The following FBXL17 variants were observed in gnomAD, a reference collection of about 807,000 sequenced individuals.
The protein encoded by FBXL17 is F-box and leucine rich repeat protein 17.
FBXL17 carries 22 observed loss-of-function variants against 66.2 expected under a neutral mutation model. The observed-to-expected ratio is 0.33, with a 90% CI of 0.24 to 0.47. The LOEUF is 0.47. FBXL17 is among the 20% of genes least tolerant of loss of function. The pLI, the probability that FBXL17 is intolerant of heterozygous loss-of-function variation, is 1.00. For missense variants in FBXL17, 878 were observed against 948.2 expected, an observed-to-expected ratio of 0.93 and a Z score of 0.97; for synonymous variants, 474 against 400.5, an observed-to-expected ratio of 1.18 and a Z score of -2.19.
chr5:108,337,352 C>G (rs1760435856), intron 4 of FBXL17, among the ~76,000 whole-genome samples: 1 of 151,478 alleles, frequency 6.6e-6, no homozygotes, highest in Admixed American at 6.6e-5. Context: ...AGAAAATTTA[C>G]AATTCATACA....
At chr5:108,319,639 A>T (rs1759527039) in intron 4 of FBXL17, among the ~76,000 whole-genome samples, 1 of 151,772 alleles carries the variant, frequency 6.6e-6, no homozygotes, top group Non-Finnish European at 1.5e-5. Context: ...GGAATCGTTT[A>T]TTTTAAATGA....
intron 7 of FBXL17, among the ~76,000 whole-genome samples, chr5:107,973,116 A>G (rs1328755724): frequency 6.6e-6 from 1 of 152,106 alleles, no homozygotes; most frequent in Non-Finnish European, 1.5e-5. Context: ...AGCTCACTGA[A>G]CTGGGGCTTC....
intron 5 of FBXL17, among the ~76,000 whole-genome samples, chr5:108,188,698 C>T (rs1753338642): frequency 6.6e-6 from 1 of 152,186 alleles, no homozygotes; most frequent in African/African-American, 2.4e-5. Flanking sequence ...TCAACTCCCT[C>T]AGTTTCCCCT....
intron 6 of FBXL17, among the ~76,000 whole-genome samples, chr5:108,130,925 G>A (rs2149976197): frequency 6.6e-6 from 1 of 152,156 alleles, no homozygotes; most frequent in East Asian, 1.9e-4. Flanking sequence ...GAAAAAGGAA[G>A]ATAGAATAAG....
intron 1 of FBXL17, among the ~76,000 whole-genome samples, chr5:108,376,060 C>G (rs1470250309): frequency 6.6e-6 from 1 of 152,144 alleles, no homozygotes; most frequent in Middle Eastern, 3.2e-3. Flanking sequence ...GGAAAAAGCA[C>G]TGGACAAAAT....
chr5:108,014,263 G>C (rs2112747345), intron 7 of FBXL17, among the ~76,000 whole-genome samples: 1 of 152,164 alleles, frequency 6.6e-6, no homozygotes, highest in East Asian at 1.9e-4. Flanking sequence ...AAGATAAAAA[G>C]TTAATATTTC....
Position 108,367,833 on chromosome 5 carries a change from G to C in FBXL17, c.1114C>G (p.Gln372Glu). Residue 372 changes from glutamine to glutamate, a missense_variant and splice_region_variant, in exon 2 of 9, where the codon CAG becomes GAG. By Grantham distance (29) the Gln-to-Glu change is conservative. Around this residue, in one of 4 missense-constraint regions of FBXL17, gnomAD observed 236 missense variants for 389.1 expected, o/e 0.61. Transcript: ENST00000542267. ...TTACTTAGAATTGGATTCCATACCT[G>C]CTGACGACTACTAAGATCCAGCTGC... ...WKQLDLSSRQ[Q>E]VTDELLEKIA... is the part of the protein sequence containing the mutation. 1.3e-6 allele frequency: 2 copies of C among 1,550,012 alleles called. No homozygotes were observed. Among genetic ancestry groups the C allele is most frequent in the Non-Finnish European group, 1.7e-6 (2 of 1,146,150 alleles).
intron 7 of FBXL17, among the ~76,000 whole-genome samples, chr5:107,934,513 T>C (rs1415208896): frequency 1.3e-5 from 2 of 152,214 alleles, no homozygotes; most frequent in Non-Finnish European, 2.9e-5. Context: ...AAAGGTGTTT[T>C]TTCTTTTTAA....
rs564395293 is a variant in FBXL17 at position 108,269,756 on chromosome 5, T to C, written c.1507-45528A>G. Among the ~76,000 whole-genome samples, 18 of 152,182 alleles carry C rather than the reference T, an allele frequency of 1.2e-4. No individual in the cohort carries two copies. In the South Asian group the frequency reaches 1.9e-3, roughly 16 times the overall value. On this transcript the variant is annotated intron_variant, in intron 4 of 8. Transcript: ENST00000542267. ...CATGTATTATTTGTCTTGGAATCCA[T>C]AGTACCTAAGACAGTGCCACCACAA...
chr5:108,260,907 T>C (rs1276693011), intron 4 of FBXL17, among the ~76,000 whole-genome samples: 1 of 152,164 alleles, frequency 6.6e-6, no homozygotes, highest in Non-Finnish European at 1.5e-5. Context: ...GATCCCCTGA[T>C]TGTCTTGTGT....
At chr5:108,377,017 T>G (rs1246363355) in intron 1 of FBXL17, among the ~76,000 whole-genome samples, 1 of 152,192 alleles carries the variant, frequency 6.6e-6, no homozygotes, top group Non-Finnish European at 1.5e-5. Context: ...TCTGTTCAGA[T>G]TTTAATTCAC....
chr5:108,370,980 T>C (rs1398661242), intron 1 of FBXL17, among the ~76,000 whole-genome samples: 1 of 152,106 alleles, frequency 6.6e-6, no homozygotes, highest in Non-Finnish European at 1.5e-5. Context: ...TTTTTTTTTC[T>C]TTAATCCCCT....
In FBXL17 at chr5:107,996,786, GAC is replaced by G. The variant is rs564949044; in HGVS notation, c.1822+24137_1822+24138del. ...GTGCCTGTCTTCACACAGATATTAAGACACAAGGTTGGGTTTTGAACTTAGGC... is the reference window on the plus strand; with the variant it reads ...GTGCCTGTCTTCACACAGATATTAAGACAAGGTTGGGTTTTGAACTTAGGC... On this transcript the variant is annotated intron_variant, in intron 7 of 8. Transcript: ENST00000542267. Among the ~76,000 whole-genome samples the G allele has an allele frequency of 9.2e-5, 14 of 152,314 alleles. No homozygotes were observed. The East Asian group carries it at 2.7e-3, about 29-fold the overall frequency.
At chr5:108,002,563 G>A (rs771204103) in intron 7 of FBXL17, among the ~76,000 whole-genome samples, 7 of 152,064 alleles carry the variant, frequency 4.6e-5, no homozygotes, top group Non-Finnish European at 1.0e-4. Context: ...GTGTTCAAAT[G>A]AAAGACCTGA....
chr5:108,050,141 A>T (rs2112820957), intron 6 of FBXL17, among the ~76,000 whole-genome samples: 1 of 152,368 alleles, frequency 6.6e-6, no homozygotes, highest in African/African-American at 2.4e-5. Context: ...TAATAATGGG[A>T]GGCTTTAACA....
intron 7 of FBXL17, among the ~76,000 whole-genome samples, chr5:107,944,664 CTAT>C (rs1751221178): frequency 6.6e-6 from 1 of 152,022 alleles, no homozygotes; most frequent in Non-Finnish European, 1.5e-5. Context: ...TTTTGTTAAC[CTAT>C]TAACTTTGAT....
chr5:108,012,056 A>C (rs1419507026), intron 7 of FBXL17, among the ~76,000 whole-genome samples: 1 of 152,198 alleles, frequency 6.6e-6, no homozygotes. Context: ...ATAAAGAAAT[A>C]ATTCTTATAT....
chr5:107,882,841 A>T (rs1253959798), intron 7 of FBXL17, among the ~76,000 whole-genome samples: 1 of 152,184 alleles, frequency 6.6e-6, no homozygotes, highest in Non-Finnish European at 1.5e-5. Context: ...CACTTGCAGG[A>T]TGGCCTGAGG....
intron 7 of FBXL17, among the ~76,000 whole-genome samples, chr5:107,893,210 A>C (rs1288423064): frequency 6.6e-6 from 1 of 152,156 alleles, no homozygotes; most frequent in Non-Finnish European, 1.5e-5. Flanking sequence ...GAGAGAAAAC[A>C]GTTGAGGTGC....
Sources: allele counts gnomAD v4.1 joint callset (sites outside exome capture counted in the v4.1 genomes callset), GRCh38; gene constraint gnomAD v4.1.1; regional missense constraint gnomAD v4.1.1; transcripts MANE v1.5; gene names NCBI Gene and HGNC (gene_info 2026-07-23, HGNC 2026-07-21).